Variants in KIAA1217 observed in about 807,000 individuals in gnomAD.
KIAA1217 encodes KIAA1217.
KIAA1217 carries 88 observed loss-of-function variants against 163.9 expected under a neutral mutation model. That is an observed-to-expected ratio of 0.54 (90% CI 0.45 to 0.64). The LOEUF is 0.64. Ranked by LOEUF, KIAA1217 falls within the 30% of genes least tolerant of loss-of-function variation. The pLI is 0.00. For synonymous variants in KIAA1217, 903 were observed against 923.1 expected, an observed-to-expected ratio of 0.98 and a Z score of 0.39; for missense variants, 2,372 against 2,475.0, an observed-to-expected ratio of 0.96 and a Z score of 0.88.
At chr10:23,884,984 C>T (rs1165473739) in intron 1 of KIAA1217, among the ~76,000 whole-genome samples, 4 of 151,926 alleles carry the variant, frequency 2.6e-5, no homozygotes, top group Non-Finnish European at 5.9e-5. Context: ...GCCACCTTTC[C>T]TCTTCTCCCA....
At chr10:23,844,463 T>G (rs1838927886) in intron 1 of KIAA1217, among the ~76,000 whole-genome samples, 1 of 152,194 alleles carries the variant, frequency 6.6e-6, no homozygotes. Flanking sequence ...CCTTGCTGAG[T>G]TACTCATGAC....
intron 3 of KIAA1217, among the ~76,000 whole-genome samples, chr10:24,422,990 T>C (rs2058868155): frequency 6.7e-6 from 1 of 150,194 alleles, no homozygotes. Context: ...CTGCAAGTTC[T>C]GCCTCCTGGG....
At chr10:23,765,739 G>T (rs1393673856) in intron 1 of KIAA1217, among the ~76,000 whole-genome samples, 1 of 152,112 alleles carries the variant, frequency 6.6e-6, no homozygotes, top group Non-Finnish European at 1.5e-5. Context: ...TACATGCCTT[G>T]CTTCCCTTTT....
At chr10:23,960,982 AT>A (rs1431372622) in intron 1 of KIAA1217, among the ~76,000 whole-genome samples, 1 of 152,220 alleles carries the variant, frequency 6.6e-6, no homozygotes, top group Non-Finnish European at 1.5e-5. Flanking sequence ...TTCAAATTAT[AT>A]TTTTATGGAT....
intron 8 of KIAA1217, among the ~76,000 whole-genome samples, chr10:24,499,738 AAAAG>A (rs2067281132): frequency 6.6e-6 from 1 of 152,086 alleles, no homozygotes; most frequent in Admixed American, 6.5e-5. Flanking sequence ...TGTCTCAAAA[AAAAG>A]AAAGAAAGAA....
At chr10:24,043,458 G>T (rs184783600) in intron 2 of KIAA1217, among the ~76,000 whole-genome samples, 1 of 152,144 alleles carries the variant, frequency 6.6e-6, no homozygotes, top group African/African-American at 2.4e-5. Flanking sequence ...TTTCGAAGAT[G>T]TAAGTATCTG....
At chr10:23,808,162 A>G (rs1249215195) in intron 1 of KIAA1217, among the ~76,000 whole-genome samples, 1 of 152,212 alleles carries the variant, frequency 6.6e-6, no homozygotes, top group Non-Finnish European at 1.5e-5. Flanking sequence ...ATGTCTTGGA[A>G]TGGGAGAAAT....
intron 12 of KIAA1217, among the ~76,000 whole-genome samples, chr10:24,522,465 T>G (rs2071433869): frequency 1.3e-5 from 2 of 152,156 alleles, no homozygotes; most frequent in South Asian, 4.1e-4. Context: ...GTAAACAAAG[T>G]CTTTCTTAAA....
chr10:24,538,734 T>TG (rs919488758), intron 17 of KIAA1217, among the ~76,000 whole-genome samples: 1 of 131,468 alleles, frequency 7.6e-6, no homozygotes, highest in African/African-American at 3.1e-5. Context: ...TGTTTTTGGT[T>TG]TTTTTTTTTT....
intron 1 of KIAA1217, among the ~76,000 whole-genome samples, chr10:23,805,705 A>C (rs1246901553): frequency 6.6e-6 from 1 of 152,118 alleles, no homozygotes; most frequent in Non-Finnish European, 1.5e-5. Flanking sequence ...CAGGACATAG[A>C]AAGCACTAAC....
At chr10:23,734,760 A>G (rs79265489) in intron 1 of KIAA1217, among the ~76,000 whole-genome samples, 2,685 of 152,192 alleles carry the variant, frequency 0.018, 79 homozygotes, top group African/African-American at 0.062. Flanking sequence ...GATATGGCTT[A>G]TTCATATTTA....
At chr10:23,790,704 C>CATAT (rs140845530) in intron 1 of KIAA1217, among the ~76,000 whole-genome samples, 3,066 of 125,322 alleles carry the variant, frequency 0.024, 94 homozygotes, top group Admixed American at 0.074. Flanking sequence ...TATACACACA[C>CATAT]ATATATATAT....
At chr10:23,824,658 A>ATATATATATATATATATAT (rs1379535101) in intron 1 of KIAA1217, among the ~76,000 whole-genome samples, 3 of 53,040 alleles carry the variant, frequency 5.7e-5, no homozygotes, top group African/African-American at 2.0e-4. Flanking sequence ...AAATAAAAAA[A>ATATATATATATATATATAT]ATATATATAT....
At chr10:24,266,643 A>G (rs2076262669) in intron 2 of KIAA1217, among the ~76,000 whole-genome samples, 2 of 152,152 alleles carry the variant, frequency 1.3e-5, no homozygotes, top group African/African-American at 4.8e-5. Flanking sequence ...TGTAAAACAC[A>G]CCAATCAGCG....
intron 1 of KIAA1217, among the ~76,000 whole-genome samples, chr10:23,807,590 T>C (rs1443597886): frequency 6.6e-6 from 1 of 152,174 alleles, no homozygotes; most frequent in African/African-American, 2.4e-5. Flanking sequence ...TGGGAACCCA[T>C]TGAAGGCAAT....
chr10:23,814,343 A>G (rs1035519280), intron 1 of KIAA1217, among the ~76,000 whole-genome samples: 4 of 152,198 alleles, frequency 2.6e-5, no homozygotes, highest in African/African-American at 9.6e-5. Flanking sequence ...CACAGACTCC[A>G]GATGAGCAGA....
intron 2 of KIAA1217, among the ~76,000 whole-genome samples, chr10:24,238,114 C>A (rs1274531278): frequency 6.6e-6 from 1 of 152,208 alleles, no homozygotes; most frequent in Non-Finnish European, 1.5e-5. Context: ...GCAATGGGAT[C>A]CGTGGCAAGT....
intron 3 of KIAA1217, among the ~76,000 whole-genome samples, chr10:24,406,807 G>A (rs2057268899): frequency 6.6e-6 from 1 of 152,136 alleles, no homozygotes; most frequent in South Asian, 2.1e-4. Context: ...TTCAGCATTG[G>A]CAGGAAGTAT....
chr10:24,395,875 G>A (rs2055669759), intron 3 of KIAA1217, among the ~76,000 whole-genome samples: 1 of 152,022 alleles, frequency 6.6e-6, no homozygotes, highest in Non-Finnish European at 1.5e-5. Flanking sequence ...AGGGACGGGG[G>A]TCTCACGATT....
Sources: gnomAD v4.1 joint callset for allele counts (sites outside exome capture counted in the v4.1 genomes callset) on GRCh38, gnomAD v4.1.1 for gene constraint, MANE v1.5 for transcripts, NCBI Gene and HGNC (gene_info 2026-07-23, HGNC 2026-07-21) for gene names.